ACTR10: variants seen among roughly 807,000 people sequenced by gnomAD.
The protein encoded by ACTR10 is actin-related protein 10.
In ACTR10, 43 loss-of-function variants were observed where a neutral mutation model predicts 56.2. The observed-to-expected ratio is 0.77, with a 90% CI of 0.60 to 0.99. ACTR10 has a LOEUF of 0.99. Ranked by LOEUF, ACTR10 falls within the 50% of genes least tolerant of loss-of-function variation. The pLI is 0.00. For missense variants in ACTR10, 466 were observed against 507.8 expected (o/e 0.92, Z 0.79); for synonymous variants, 170 against 176.3 (o/e 0.96, Z 0.28).
chr14:58,210,063 G>A (rs557735793), intron 4 of ACTR10, among the ~76,000 whole-genome samples: 1 of 152,244 alleles, frequency 6.6e-6, no homozygotes, highest in African/African-American at 2.4e-5. Flanking sequence ...AAGAAGTCGT[G>A]TCAGCTGTTA....
chr14:58,201,513 C>T (rs1196115568), intron 1 of ACTR10, among the ~76,000 whole-genome samples: 1 of 151,860 alleles, frequency 6.6e-6, no homozygotes, highest in Non-Finnish European at 1.5e-5. Flanking sequence ...AACATGGAGA[C>T]GGGAATAGGA....
At chr14:58,201,040 G>A (rs907403479) in intron 1 of ACTR10, among the ~76,000 whole-genome samples, 1 of 152,182 alleles carries the variant, frequency 6.6e-6, no homozygotes, top group African/African-American at 2.4e-5. Flanking sequence ...CTTGTGATGG[G>A]CTCAACAGAG....
intron 4 of ACTR10, among the ~76,000 whole-genome samples, chr14:58,210,092 T>G (rs2140046940): frequency 6.6e-6 from 1 of 152,310 alleles, no homozygotes; most frequent in South Asian, 2.1e-4. Context: ...AAGTAGAATA[T>G]TCTCTGTATT....
At chr14:58,214,185 G>A (rs1187419470) in intron 6 of ACTR10, among the ~76,000 whole-genome samples, 1 of 152,102 alleles carries the variant, frequency 6.6e-6, no homozygotes, top group South Asian at 2.1e-4. Context: ...CCTGGCCTCT[G>A]GTAGCCATCT....
At chr14:58,213,150 C>T (rs1159485663) in intron 5 of ACTR10, 1 of 152,232 alleles carries the variant, frequency 6.6e-6, no homozygotes, top group Non-Finnish European at 1.5e-5. Flanking sequence ...CTAAGAGCCA[C>T]ATTTTAAAAG....
At chr14:58,226,349 A>G (rs887065788) in intron 10 of ACTR10, among the ~76,000 whole-genome samples, 4 of 151,134 alleles carry the variant, frequency 2.6e-5, no homozygotes, top group African/African-American at 4.9e-5. Context: ...CACTCAAGCA[A>G]TCCTCCCACC....
intron 7 of ACTR10, among the ~76,000 whole-genome samples, chr14:58,217,058 T>G (rs1889149948): frequency 6.6e-6 from 1 of 152,202 alleles, no homozygotes; most frequent in Non-Finnish European, 1.5e-5. Context: ...GATCCAATTA[T>G]AGCTTTCAAA....
At chr14:58,215,612 T>C (rs1458207312) in intron 7 of ACTR10, among the ~76,000 whole-genome samples, 1 of 152,100 alleles carries the variant, frequency 6.6e-6, no homozygotes, top group Non-Finnish European at 1.5e-5. Flanking sequence ...TTGCTTTCTC[T>C]ACTTGTATTC....
At position 58,213,626 on chromosome 14, in the gene ACTR10, T is replaced by C. The variant is rs770131238; in HGVS notation, c.451-5T>C. On this transcript the variant is annotated splice_polypyrimidine_tract_variant and splice_region_variant and intron_variant, in intron 5 of 12. Transcript: ENST00000254286. ...AAAATAGTAGTATCCTTGACTACTC[T>C]ATAGATATATGAAGGAATCCCAGTT... 5.8e-5 allele frequency: 93 copies of C among 1,605,434 alleles called. No homozygotes were observed. The South Asian group carries it at 9.2e-4, about 16-fold the overall frequency.
intron 1 of ACTR10, among the ~76,000 whole-genome samples, chr14:58,201,702 G>A (rs1224208039): frequency 6.6e-6 from 1 of 152,172 alleles, no homozygotes; most frequent in African/African-American, 2.4e-5. Flanking sequence ...CAAGAAAAGA[G>A]CATCGTTTTT....
intron 10 of ACTR10, among the ~76,000 whole-genome samples, chr14:58,230,177 C>A (rs908293926): frequency 1.3e-5 from 2 of 152,250 alleles, no homozygotes; most frequent in East Asian, 1.9e-4. Context: ...ATGTGCCAGA[C>A]CCTGTTCTAT....
chr14:58,200,765 G>A (rs967981297), intron 1 of ACTR10, among the ~76,000 whole-genome samples: 5 of 152,232 alleles, frequency 3.3e-5, no homozygotes, highest in African/African-American at 9.6e-5. Context: ...GAATTAGGGA[G>A]ACTGGGCACA....
At position 58,219,717 on chromosome 14, in the gene ACTR10, G is replaced by C. The variant is rs758439826; in HGVS notation, c.622G>C (p.Glu208Gln). 6.5e-7 allele frequency: 1 copy of C among 1,530,774 alleles called. No individual in the cohort carries two copies. The highest frequency in any genetic ancestry group is 8.8e-7 in the Non-Finnish European group (1 of 1,139,074). The allele number at this position is 1,530,774 out of a possible 1,614,324, so 94.8% of individuals were successfully genotyped here. ...AGGTTCAGTTCCGGAAGGTGTCTTAGAGGACATTAAAGGTAAACTAAGTTC... is the reference window on the plus strand; with the variant it reads ...AGGTTCAGTTCCGGAAGGTGTCTTACAGGACATTAAAGGTAAACTAAGTTC... ...VMGSVPEGVL[E>Q]DIKARTCFVS... Residue 208 changes from glutamate (E) to glutamine (Q), a missense_variant, in exon 8 of 13, where the codon GAG becomes CAG. Glu to Gln is a conservative substitution (Grantham distance 29, BLOSUM62 2). Transcript: ENST00000254286.
chr14:58,232,184 C>A lies in ACTR10; in HGVS notation c.989C>A (p.Pro330Gln), dbSNP rs1040011021. Reference sequence around the variant, plus strand: ...GAAATAAGGTATTTGGTAGAAAAACCAAAATATAAAAAAGCACTTGGCACT... The same window carrying A: ...GAAATAAGGTATTTGGTAGAAAAACAAAAATATAAAAAAGCACTTGGCACT... ...LAEIRYLVEK[P>Q]KYKKALGTKT... The change falls in exon 12 of 13, where the codon CCA becomes CAA. Residue 330 changes from proline to glutamine, a missense_variant. Physicochemically the swap from Pro to Gln is moderately conservative, Grantham distance 76. Transcript: ENST00000254286. 1.6e-5 allele frequency: 26 copies of A among 1,613,370 alleles called. No homozygotes were observed. In the Admixed American group the frequency reaches 3.5e-4, roughly 22 times the overall value.
At chr14:58,224,147 C>G (rs987229630) in intron 10 of ACTR10, among the ~76,000 whole-genome samples, 1 of 151,868 alleles carries the variant, frequency 6.6e-6, no homozygotes, top group Non-Finnish European at 1.5e-5. Flanking sequence ...ATTACAGGTG[C>G]CTGCCACCAT....
chr14:58,205,396 G>T (rs534289918), intron 2 of ACTR10, among the ~76,000 whole-genome samples: 1 of 139,898 alleles, frequency 7.1e-6, no homozygotes, highest in South Asian at 2.4e-4. Flanking sequence ...CTCACTACAA[G>T]CCCCACCTCC....
At chr14:58,228,303 A>T (rs1263443898) in intron 10 of ACTR10, among the ~76,000 whole-genome samples, 2 of 152,200 alleles carry the variant, frequency 1.3e-5, no homozygotes, top group Non-Finnish European at 2.9e-5. Flanking sequence ...GGAAAGAAGG[A>T]AGTACTTAAC....
intron 5 of ACTR10, 113 bp downstream of exon 5, chr14:58,211,512 A>C: frequency 1.4e-6 from 1 of 706,198 alleles, no homozygotes; most frequent in Non-Finnish European, 2.4e-6. Context: ...GTTACTATGT[A>C]CAAATATGAA....
chr14:58,211,462 G>A, intron 5 of ACTR10, 63 bp downstream of exon 5: 1 of 1,153,516 alleles, frequency 8.7e-7, no homozygotes, highest in Non-Finnish European at 1.3e-6. Flanking sequence ...AAATAATTAG[G>A]CTAATTATAA....
Sources: allele counts gnomAD v4.1 joint callset (sites outside exome capture counted in the v4.1 genomes callset), GRCh38; gene constraint gnomAD v4.1.1; transcripts MANE v1.5; gene names NCBI Gene and HGNC (gene_info 2026-07-23, HGNC 2026-07-21).